Variants in AGPAT5 observed in about 807,000 individuals in gnomAD.
AGPAT5 encodes the protein 1-acyl-sn-glycerol-3-phosphate acyltransferase epsilon.
AGPAT5 carries 46 observed loss-of-function variants against 45.6 expected under a neutral mutation model. The ratio of observed to expected loss-of-function variants is 1.01; its 90% CI spans 0.80 to 1.29. The LOEUF (loss-of-function observed/expected upper bound fraction) is 1.29. Among genes scored for constraint, AGPAT5 ranks in the 50% most tolerant of loss-of-function variants. The probability of loss-of-function intolerance (pLI) is 0.00; values close to 1 mark genes in which losing one functional copy is unlikely to be tolerated. For synonymous variants in AGPAT5, 272 were observed against 167.0 expected, an observed-to-expected ratio of 1.63 and a Z score of -4.85; for missense variants, 673 against 450.7, an observed-to-expected ratio of 1.49 and a Z score of -4.47.
intron 4 of AGPAT5, among the ~76,000 whole-genome samples, chr8:6,735,984 G>T (rs960922436): frequency 6.6e-6 from 1 of 150,852 alleles, no homozygotes; most frequent in African/African-American, 2.4e-5. Flanking sequence ...CTCCTGAGTA[G>T]CTGGGATTAC....
rs760253560 is a variant in AGPAT5, at chr8:6,708,732, C to T, written c.64C>T (p.Leu22=). Residue 22 remains leucine, a synonymous_variant, in exon 1 of 8, where the codon CTG becomes TTG. Coordinates refer to ENST00000285518, the MANE Select transcript of AGPAT5 (RefSeq NM_018361.5). The part of the protein sequence containing the change: ...MRYLLPSVVL[L]GTAPTYVLAW... ...CTACCTGCTGCCCAGCGTCGTGCTC[C>T]TGGGCACGGCGCCCACCTACGTGTT... 1.4e-5 allele frequency: 23 copies of T among 1,607,454 alleles called. No individual in the cohort carries two copies. Among genetic ancestry groups the T allele is most frequent in the Non-Finnish European group, 1.9e-5 (22 of 1,179,664 alleles).
chr8:6,754,554 A>G (rs1306467471), intron 6 of AGPAT5, among the ~76,000 whole-genome samples: 1 of 152,142 alleles, frequency 6.6e-6, no homozygotes, highest in Non-Finnish European at 1.5e-5. Flanking sequence ...GCTGTGTGCC[A>G]GGTCAGGAGG....
chr8:6,734,452 G>A lies in AGPAT5; in HGVS notation c.495+1802G>A, dbSNP rs374646215. 2.0e-3 allele frequency among the ~76,000 whole-genome samples: 304 copies of A among 152,024 alleles called. 11 individuals carry two copies. In the South Asian group the frequency reaches 0.059, roughly 30 times the overall value. ...ATTCCTCACATTTCCCTTTGACCCT[G>A]TTTCATAGTTTCCATCTCTGTGCTA... is the stretch of plus-strand genomic sequence containing the variant. On this transcript the variant is annotated intron_variant, in intron 4 of 7. Coordinates refer to ENST00000285518, the MANE Select transcript of AGPAT5 (RefSeq NM_018361.5).
rs1800423762 is a variant in AGPAT5, at chr8:6,719,183, C to G, written c.220-5687C>G. 2.6e-5 allele frequency among the ~76,000 whole-genome samples: 4 copies of G among 152,304 alleles called. No individual in the cohort carries two copies. The South Asian group carries it at 8.3e-4, about 32-fold the overall frequency. The stretch of plus-strand genomic sequence containing the variant: ...TTTGTGGAAAGCAAGTTTAGAACAT[C>G]ACATATTCTTCTGTTTGGACAGACC... On this transcript the variant is annotated intron_variant, in intron 1 of 7. Coordinates refer to ENST00000285518, the MANE Select transcript of AGPAT5 (RefSeq NM_018361.5).
intron 1 of AGPAT5, among the ~76,000 whole-genome samples, chr8:6,720,578 A>T (rs73661460): frequency 0.022 from 3,293 of 152,238 alleles, 115 homozygotes; most frequent in African/African-American, 0.075. Flanking sequence ...TATGGATGCT[A>T]CCAAGCCTTC....
intron 2 of AGPAT5, among the ~76,000 whole-genome samples, chr8:6,727,862 G>C (rs550538563): frequency 6.6e-6 from 1 of 152,322 alleles, no homozygotes; most frequent in Admixed American, 6.5e-5. Flanking sequence ...CTGTGTGTCA[G>C]TGGGCAAATT....
intron 6 of AGPAT5, 116 bp from the exon 7 acceptor site, chr8:6,754,935 T>C: frequency 1.2e-6 from 1 of 821,014 alleles, no homozygotes; most frequent in Non-Finnish European, 1.8e-6. Context: ...AAGGAATCTG[T>C]ACTTTTTCTT....
intron 1 of AGPAT5, among the ~76,000 whole-genome samples, chr8:6,709,802 C>G (rs1197144479): frequency 2.6e-5 from 4 of 151,896 alleles, no homozygotes; most frequent in Admixed American, 1.3e-4. Context: ...CACTGCTGAT[C>G]GACCCTTGAT....
chr8:6,715,018 T>C (rs1178736543), intron 1 of AGPAT5, among the ~76,000 whole-genome samples: 1 of 152,192 alleles, frequency 6.6e-6, no homozygotes, highest in Non-Finnish European at 1.5e-5. Context: ...AGTAATGACT[T>C]TTCAGTAAGG....
At chr8:6,752,423 T>C (rs1801685967) in intron 6 of AGPAT5, among the ~76,000 whole-genome samples, 1 of 152,236 alleles carries the variant, frequency 6.6e-6, no homozygotes, top group Non-Finnish European at 1.5e-5. Context: ...TTCTTGTGTG[T>C]TATAAACAGC....
chr8:6,715,104 C>G (rs75756433), intron 1 of AGPAT5, among the ~76,000 whole-genome samples: 1,674 of 152,130 alleles, frequency 0.011, 36 homozygotes, highest in African/African-American at 0.038. Context: ...TCCTGGGTAC[C>G]AAGGGGTACA....
chr8:6,729,764 G>GT (rs1243809597), intron 2 of AGPAT5, among the ~76,000 whole-genome samples: 3 of 152,196 alleles, frequency 2.0e-5, no homozygotes, highest in African/African-American at 7.2e-5. Context: ...CTTCTAGGAA[G>GT]TTTTTTATTG....
Position 6,757,150 on chromosome 8 carries a change from A to G in AGPAT5, c.870-13A>G, listed in dbSNP as rs770633152. 1.2e-5 allele frequency: 19 copies of G among 1,603,368 alleles called. No individual in the cohort carries two copies. The highest frequency in any genetic ancestry group is 1.3e-5 in the Non-Finnish European group (15 of 1,173,024). The stretch of plus-strand genomic sequence containing the variant: ...AGTGACTAAAATCTAAACTTTTTCC[A>G]TTCTGGCCATAGGATGCTTATAGAA... On this transcript the variant is annotated splice_polypyrimidine_tract_variant and intron_variant, in intron 7 of 7. Transcript: ENST00000285518.
At chr8:6,752,356 A>G (rs1563307683) in intron 6 of AGPAT5, among the ~76,000 whole-genome samples, 2 of 152,224 alleles carry the variant, frequency 1.3e-5, no homozygotes, top group East Asian at 3.9e-4. Flanking sequence ...ATGTGCCTTT[A>G]CGTATTTTTT....
intron 2 of AGPAT5, among the ~76,000 whole-genome samples, chr8:6,729,817 C>A (rs1192059594): frequency 6.6e-6 from 1 of 152,132 alleles, no homozygotes; most frequent in Non-Finnish European, 1.5e-5. Context: ...GTTTTTGCAA[C>A]CCTTTGTTAA....
chr8:6,726,910 TA>T (rs1800706729), intron 2 of AGPAT5, among the ~76,000 whole-genome samples: 1 of 152,204 alleles, frequency 6.6e-6, no homozygotes. Context: ...TAAATTTCTT[TA>T]GAATTACAGG....
intron 5 of AGPAT5, among the ~76,000 whole-genome samples, chr8:6,744,129 A>G (rs1227072905): frequency 6.6e-6 from 1 of 152,164 alleles, no homozygotes; most frequent in Non-Finnish European, 1.5e-5. Flanking sequence ...ACTTAATATT[A>G]CAAAAGTGCT....
At position 6,760,484 on chromosome 8, in the gene AGPAT5, GAA is replaced by G. The variant is rs1801999324; in HGVS notation, c.*3099_*3100del. Reference sequence around the variant, plus strand: ...CCCAGATATGTACCACAAAAAATGTGAAAAGAGAGAGAAATGTCTACCAAAGC... The same window carrying G: ...CCCAGATATGTACCACAAAAAATGTGAAGAGAGAGAAATGTCTACCAAAGC... On this transcript the variant is annotated 3_prime_UTR_variant, in exon 8 of 8. Coordinates refer to ENST00000285518, the MANE Select transcript of AGPAT5 (RefSeq NM_018361.5). Among the ~76,000 whole-genome samples, 1 of 151,958 alleles carries G rather than the reference GAA, an allele frequency of 6.6e-6. No homozygotes were observed. Among genetic ancestry groups the G allele is most frequent in the African/African-American group, 2.4e-5 (1 of 41,436 alleles).
chr8:6,712,214 T>G (rs889162124), intron 1 of AGPAT5, among the ~76,000 whole-genome samples: 3 of 152,228 alleles, frequency 2.0e-5, no homozygotes, highest in African/African-American at 7.2e-5. Context: ...AATCTTTTAG[T>G]TTCTTATTTA....
Sources: gnomAD v4.1 joint callset for allele counts (sites outside exome capture counted in the v4.1 genomes callset) on GRCh38, gnomAD v4.1.1 for gene constraint, MANE v1.5 for transcripts, NCBI Gene and HGNC (gene_info 2026-07-23, HGNC 2026-07-21) for gene names.